PLCB1: variants seen among roughly 807,000 people sequenced by gnomAD.
PLCB1 encodes 1-phosphatidylinositol 4,5-bisphosphate phosphodiesterase beta-1.
Under a neutral mutation model 161.8 loss-of-function variants are expected in PLCB1, and 46 were observed. The observed-to-expected ratio is 0.28, with a 90% CI of 0.22 to 0.36. The LOEUF (loss-of-function observed/expected upper bound fraction) is 0.36, where lower values mean the gene tolerates loss of function less well. PLCB1 is among the 10% of genes least tolerant of loss of function. The pLI is 1.00. For synonymous variants in PLCB1, 517 were observed against 503.7 expected (o/e 1.03, Z -0.35); for missense variants, 1,016 against 1,472.5 (o/e 0.69, Z 5.07).
chr20:8,279,896 G>A (rs544576573), intron 2 of PLCB1, among the ~76,000 whole-genome samples: 1 of 152,306 alleles, frequency 6.6e-6, no homozygotes, highest in Non-Finnish European at 1.5e-5. Flanking sequence ...AGGCAGGTTA[G>A]TGGTTATCTT....
At chr20:8,646,245 T>C (rs1340954653) in intron 5 of PLCB1, 64 bp downstream of exon 5, 2 of 1,109,028 alleles carry the variant, frequency 1.8e-6, no homozygotes, top group Non-Finnish European at 2.8e-6. Context: ...CTTTCTCCTT[T>C]GTGAGTCTTC....
chr20:8,369,045 A>G (rs1180154923), intron 2 of PLCB1, among the ~76,000 whole-genome samples: 1 of 152,164 alleles, frequency 6.6e-6, no homozygotes. Flanking sequence ...TTATCTTTGT[A>G]TGTTTTAGTT....
chr20:8,555,365 T>A (rs534635857), intron 3 of PLCB1, among the ~76,000 whole-genome samples: 1 of 151,856 alleles, frequency 6.6e-6, no homozygotes, highest in African/African-American at 2.4e-5. Flanking sequence ...AGATACACAC[T>A]CTCCACCTAC....
intron 3 of PLCB1, among the ~76,000 whole-genome samples, chr20:8,558,935 T>C (rs1198151589): frequency 6.6e-6 from 1 of 151,790 alleles, no homozygotes; most frequent in African/African-American, 2.4e-5. Flanking sequence ...CTACAAGAAA[T>C]GGTAAGGAGA....
rs1982809333 is a variant in PLCB1 at position 8,773,793 on chromosome 20, G to T, written c.2931-746G>T. On this transcript the variant is annotated intron_variant, in intron 26 of 31. Transcript: ENST00000338037. The stretch of plus-strand genomic sequence containing the variant: ...GTTTGAGACCATGCTAGCCAACATG[G>T]TGAAACCTCATCTCTAATAAAAATA... Among the ~76,000 whole-genome samples, 4 of 152,254 alleles carry T rather than the reference G, an allele frequency of 2.6e-5. No homozygotes were observed. The South Asian group carries it at 8.3e-4, about 32-fold the overall frequency.
Position 8,305,172 on chromosome 20 carries a change from A to G in PLCB1, c.178-66210A>G, listed in dbSNP as rs145437753. ...TTGTTAATTAAGAACACCTGTACTT[A>G]ACTCGTGGCCATTTATTCCTTTTCT... On this transcript the variant is annotated intron_variant, in intron 2 of 31. Transcript: ENST00000338037. Among the ~76,000 whole-genome samples, 348 of 152,012 alleles carry G rather than the reference A, an allele frequency of 2.3e-3. 1 individual carries two copies. The highest frequency in any genetic ancestry group is 8.1e-3 in the African/African-American group (336 of 41,580).
intron 31 of PLCB1, among the ~76,000 whole-genome samples, chr20:8,846,813 A>G (rs967717031): frequency 1.3e-4 from 20 of 152,148 alleles, no homozygotes; most frequent in African/African-American, 4.8e-4. Context: ...GCTTCCATAC[A>G]TGGTCCATAC....
chr20:8,850,817 T>A (rs1474812501), intron 31 of PLCB1, among the ~76,000 whole-genome samples: 1 of 152,196 alleles, frequency 6.6e-6, no homozygotes, highest in Non-Finnish European at 1.5e-5. Flanking sequence ...AAATTTCTAT[T>A]AATTATAAAT....
chr20:8,643,228 T>C (rs1018010241), intron 4 of PLCB1, among the ~76,000 whole-genome samples: 1 of 152,204 alleles, frequency 6.6e-6, no homozygotes, highest in African/African-American at 2.4e-5. Context: ...AATCCATCCT[T>C]GACCTGGCTG....
chr20:8,213,746 A>T (rs1470383788), intron 2 of PLCB1, among the ~76,000 whole-genome samples: 1 of 151,768 alleles, frequency 6.6e-6, no homozygotes, highest in African/African-American at 2.4e-5. Flanking sequence ...GCATTATCAC[A>T]AATTGTCATG....
intron 3 of PLCB1, among the ~76,000 whole-genome samples, chr20:8,439,134 A>G (rs1200502280): frequency 6.6e-6 from 1 of 152,174 alleles, no homozygotes; most frequent in East Asian, 1.9e-4. Context: ...GATTCAGTAA[A>G]TATTTTGACA....
intron 3 of PLCB1, among the ~76,000 whole-genome samples, chr20:8,460,777 G>A (rs1020489136): frequency 6.6e-6 from 1 of 152,154 alleles, no homozygotes; most frequent in Non-Finnish European, 1.5e-5. Context: ...CCCCATTTAA[G>A]ATTTTCAAGT....
At chr20:8,428,198 C>T (rs1006898182) in intron 3 of PLCB1, among the ~76,000 whole-genome samples, 2 of 150,060 alleles carry the variant, frequency 1.3e-5, no homozygotes, top group Non-Finnish European at 3.0e-5. Context: ...AATCTGAGGA[C>T]AACTGTAAGG....
intron 3 of PLCB1, among the ~76,000 whole-genome samples, chr20:8,455,439 T>A (rs1384465141): frequency 8.1e-6 from 1 of 123,252 alleles, no homozygotes; most frequent in East Asian, 2.1e-4. Context: ...CCTCTTTTTT[T>A]TTTTTTTTTT....
chr20:8,694,587 C>A (rs1161656316), intron 10 of PLCB1, among the ~76,000 whole-genome samples: 1 of 152,192 alleles, frequency 6.6e-6, no homozygotes, highest in African/African-American at 2.4e-5. Flanking sequence ...GGAAATGTTT[C>A]TCAAAACTTT....
chr20:8,452,726 G>A (rs1259931530), intron 3 of PLCB1, among the ~76,000 whole-genome samples: 3 of 152,184 alleles, frequency 2.0e-5, no homozygotes, highest in Non-Finnish European at 4.4e-5. Flanking sequence ...CCAAAGAGAA[G>A]AAATGATATT....
At chr20:8,265,007 G>T (rs1981884715) in intron 2 of PLCB1, among the ~76,000 whole-genome samples, 1 of 152,082 alleles carries the variant, frequency 6.6e-6, no homozygotes. Context: ...CCTATTTCTA[G>T]CTCTTACCTC....
chr20:8,177,533 T>G (rs1568579494), intron 2 of PLCB1, among the ~76,000 whole-genome samples: 1 of 152,136 alleles, frequency 6.6e-6, no homozygotes, highest in Non-Finnish European at 1.5e-5. Context: ...TATTCTAGGC[T>G]GCTACTCCCT....
intron 7 of PLCB1, among the ~76,000 whole-genome samples, chr20:8,650,339 C>T (rs1035054793): frequency 6.6e-6 from 1 of 152,058 alleles, no homozygotes; most frequent in East Asian, 1.9e-4. Context: ...AGGGCAACAC[C>T]GAGGAATTAC....
Sources: gnomAD v4.1 joint callset for allele counts (sites outside exome capture counted in the v4.1 genomes callset) on GRCh38, gnomAD v4.1.1 for gene constraint, MANE v1.5 for transcripts, NCBI Gene and HGNC (gene_info 2026-07-23, HGNC 2026-07-21) for gene names.